Variants in PLSCR3 observed in about 807,000 individuals in gnomAD.
PLSCR3 encodes the protein phospholipid scramblase 3, also known as PL scramblase 3.
PLSCR3 carries 17 observed loss-of-function variants against 33.7 expected under a neutral mutation model. That is an observed-to-expected ratio of 0.50 (90% CI 0.35 to 0.76). The LOEUF (loss-of-function observed/expected upper bound fraction) is 0.76. Among genes scored for constraint, PLSCR3 ranks in the 30% least tolerant of loss-of-function variants. The pLI, the probability that PLSCR3 is intolerant of heterozygous loss-of-function variation, is 0.01. For missense variants in PLSCR3, 360 were observed against 394.1 expected, an observed-to-expected ratio of 0.91 and a Z score of 0.73; for synonymous variants, 166 against 166.0, an observed-to-expected ratio of 1.00 and a Z score of 0.00.
Position 7,390,345 on chromosome 17 carries a change from T to C in PLSCR3, c.*40A>G. On this transcript the variant is annotated 3_prime_UTR_variant, in exon 8 of 8. Coordinates refer to ENST00000619711, the MANE Select transcript of PLSCR3 (RefSeq NM_020360.4). ...GGCCAGGGCAGGTGACCATCTGGAG[T>C]TCTGGTCGAGGTGATGGTCTCCTCA... 6.9e-7 allele frequency: 1 copy of C among 1,450,078 alleles called. No individual in the cohort carries two copies. The highest frequency in any genetic ancestry group is 2.5e-5 in the East Asian group (1 of 40,456). 89.8% of individuals were successfully genotyped at this position (1,450,078 alleles called of 1,614,324 possible).
At chr17:7,392,436 T>A (rs951027196) in intron 6 of PLSCR3, among the ~76,000 whole-genome samples, 1 of 152,164 alleles carries the variant, frequency 6.6e-6, no homozygotes, top group Non-Finnish European at 1.5e-5. Context: ...AAATCGTGCT[T>A]GCTCCAGGGC....
chr17:7,390,593 A>AT, intron 7 of PLSCR3, 41 bp downstream of exon 7: 3 of 1,610,766 alleles, frequency 1.9e-6, no homozygotes, highest in Non-Finnish European at 2.5e-6. Flanking sequence ...AAATGACAGC[A>AT]AAGGACAGGC....
chr17:7,391,775 G>A lies in PLSCR3; in HGVS notation c.670-980C>T, dbSNP rs371322549. Among the ~76,000 whole-genome samples, 18 of 152,304 alleles carry A rather than the reference G, an allele frequency of 1.2e-4. No individual in the cohort carries two copies. The East Asian group carries it at 2.9e-3, about 24-fold the overall frequency. ...CATGGAATCTCCCTCTGGCTACCAA[G>A]GTGACTCATTTTTGCAAAGTAACCT... On this transcript the variant is annotated intron_variant, in intron 6 of 7. Transcript: ENST00000619711. The surrounding 1 kb of genome is among the most constrained non-coding windows in gnomAD (Gnocchi z 4.1).
Position 7,390,387 on chromosome 17 carries a change from A to G in PLSCR3, c.886T>C (p.Ter296GlnextTer144). 1 of 1,550,446 alleles carries G rather than the reference A, an allele frequency of 6.4e-7. No homozygotes were observed. Among genetic ancestry groups the G allele is most frequent in the Non-Finnish European group, 8.7e-7 (1 of 1,145,354 alleles). The change falls in exon 8 of 8, where the codon TAG becomes CAG. Residue 296 changes from the stop codon to glutamine, a stop_lost. Coordinates refer to ENST00000619711, the MANE Select transcript of PLSCR3 (RefSeq NM_020360.4). ...GGAGPSAVTS[*>Q] ...GTCTCCTCACACCATGGTGGCCTCT[A>G]ACTGGTGACGGCAGAGGGCCCAGCG...
Position 7,390,294 on chromosome 17 carries a change from G to T in PLSCR3, c.*91C>A. The T allele has an allele frequency of 9.8e-7, 1 of 1,023,204 alleles. No homozygotes were observed. Among genetic ancestry groups the T allele is most frequent in the Non-Finnish European group, 1.4e-6 (1 of 699,708 alleles). The allele number at this position is 1,023,204 out of a possible 1,614,324, so 63.4% of individuals were successfully genotyped here. On this transcript the variant is annotated 3_prime_UTR_variant, in exon 8 of 8. Coordinates refer to ENST00000619711, the MANE Select transcript of PLSCR3 (RefSeq NM_020360.4). The stretch of plus-strand genomic sequence containing the variant: ...CCCTTCTGTCCCCTGCAGTGTACAT[G>T]GAGGAAAGGGGCTGCCCAGAGGAGG...
Position 7,393,696 on chromosome 17 carries a change from C to A in PLSCR3, c.148G>T (p.Ala50Ser). ...AQVPAPAPGF[A>S]LFPSPGPVAL... is the part of the protein sequence containing the mutation. ...ACGGGGCCAGGCGAGGGGAAGAGGG[C>A]GAAGCCGGGAGCTGGGGCAGGTACC... is the stretch of plus-strand genomic sequence containing the variant. Residue 50 changes from alanine (A) to serine (S), a missense_variant, in exon 3 of 8, where the codon GCC becomes TCC. Ala to Ser is a moderately conservative substitution (Grantham distance 99). Transcript: ENST00000619711. 1 of 1,568,444 alleles carries A rather than the reference C, an allele frequency of 6.4e-7. No homozygotes were observed.
intron 2 of PLSCR3, 132 bp from the exon 3 acceptor site, chr17:7,393,968 C>G: frequency 5.1e-6 from 6 of 1,167,326 alleles, no homozygotes; most frequent in South Asian, 3.9e-5. Context: ...GGCAGGGGAG[C>G]AGGGTGGAGG....
At chr17:7,390,832 G>A in intron 6 of PLSCR3, 37 bp from the exon 7 acceptor site, 1 of 1,610,008 alleles carries the variant, frequency 6.2e-7, no homozygotes, top group Non-Finnish European at 8.5e-7. Context: ...CAGCTGAGGA[G>A]GAGGCAGCCA....
rs368639369 is a variant in PLSCR3, at chr17:7,394,163, G to A, written c.-53C>T. On this transcript the variant is annotated 5_prime_UTR_variant, in exon 2 of 8. Coordinates refer to ENST00000619711, the MANE Select transcript of PLSCR3 (RefSeq NM_020360.4). The surrounding 1 kb of genome is among the most constrained non-coding windows in gnomAD (Gnocchi z 5.3). ...ATGGTGTCTGGGTGGCTTAGTTCTG[G>A]AAGCGGAGGCAAACTCGGAGATAGC... is the stretch of plus-strand genomic sequence containing the variant. 4.0e-5 allele frequency: 63 copies of A among 1,576,412 alleles called. 1 individual carries two copies. The African/African-American group carries it at 4.6e-4, about 11-fold the overall frequency.
intron 6 of PLSCR3, 60 bp downstream of exon 6, chr17:7,392,731 C>T (rs758213914): frequency 6.7e-7 from 1 of 1,502,822 alleles, no homozygotes. Flanking sequence ...AACTATCCTG[C>T]CTCATGGAAG....
chr17:7,392,446 C>T (rs1905784816), intron 6 of PLSCR3, among the ~76,000 whole-genome samples: 1 of 152,170 alleles, frequency 6.6e-6, no homozygotes, highest in African/African-American at 2.4e-5. Flanking sequence ...TGCTCCAGGG[C>T]CTGGGCTCAC....
Position 7,392,919 on chromosome 17 carries a change from CA to C in PLSCR3, c.540del (p.Ile180MetfsTer45). 1 of 1,613,866 alleles carries C rather than the reference CA, an allele frequency of 6.2e-7. No homozygotes were observed. Among genetic ancestry groups the C allele is most frequent in the Non-Finnish European group, 8.5e-7 (1 of 1,179,880 alleles). On this transcript the variant is annotated frameshift_variant, in exon 6 of 8. Coordinates refer to ENST00000619711, the MANE Select transcript of PLSCR3 (RefSeq NM_020360.4). LOFTEE classifies it high-confidence loss of function. ...GGATGCCAGGTCTGTAGCACGTGGCCAATGGTGGTGCCTGGTGGAGCCTGTA... is the reference window on the plus strand; with the variant it reads ...GGATGCCAGGTCTGTAGCACGTGGCCATGGTGGTGCCTGGTGGAGCCTGTA... ...MEVQAPPGTT[I>X]GHVLQTWHPF...
rs1390842241 is a variant in PLSCR3 at position 7,392,927 on chromosome 17, G to A, written c.533C>T (p.Thr178Ile). Residue 178 changes from threonine to isoleucine, a missense_variant, in exon 6 of 8, where the codon ACC becomes ATC. Thr to Ile is a moderately conservative substitution (Grantham distance 89). Transcript: ENST00000619711. Reference protein sequence around the residue: ...QEMEVQAPPGTTIGHVLQTWH... With the variant: ...QEMEVQAPPGITIGHVLQTWH... The stretch of plus-strand genomic sequence containing the variant: ...GGTCTGTAGCACGTGGCCAATGGTG[G>A]TGCCTGGTGGAGCCTGTACTTCCAT... 6 of 1,613,736 alleles carry A rather than the reference G, an allele frequency of 3.7e-6. No individual in the cohort carries two copies. Among genetic ancestry groups the A allele is most frequent in the Admixed American group, 3.3e-5 (2 of 60,008 alleles).
chr17:7,392,982 C>T (rs746343304), intron 5 of PLSCR3, 30 bp from the exon 6 acceptor site: 8 of 1,591,336 alleles, frequency 5.0e-6, no homozygotes, highest in East Asian at 2.2e-5. Context: ...AGGGTCACTG[C>T]GGAGGCAGGG....
At chr17:7,392,376 G>A (rs1452418372) in intron 6 of PLSCR3, among the ~76,000 whole-genome samples, 2 of 152,286 alleles carry the variant, frequency 1.3e-5, no homozygotes, top group Non-Finnish European at 2.9e-5. Context: ...AATGGCAGGG[G>A]CATTTGGATT....
In PLSCR3 at chr17:7,390,405, G is replaced by A. The variant is rs866207735; in HGVS notation, c.868C>T (p.Pro290Ser). The A allele has an allele frequency of 1.3e-5, 21 of 1,556,618 alleles. No individual in the cohort carries two copies. In the African/African-American group the frequency reaches 2.6e-4, roughly 19 times the overall value. The part of the protein sequence containing the change: ...MFFEKRGGAG[P>S]SAVTS ...GGCCTCTAACTGGTGACGGCAGAGG[G>A]CCCAGCGCCTCCTCGCTTCTCAAAG... The change falls in exon 8 of 8, where the codon CCC becomes TCC. Residue 290 changes from proline (P) to serine (S), a missense_variant. Transcript: ENST00000619711.
rs199755572 is a variant in PLSCR3 at position 7,393,433 on chromosome 17, T to C, written c.286+34A>G. 7.4e-5 allele frequency: 119 copies of C among 1,613,756 alleles called. No individual in the cohort carries two copies. The East Asian group carries it at 2.5e-3, about 34-fold the overall frequency. ...CAGGAGCCCACCATCCGGGCCACCA[T>C]CATGAGGTCCAACCTCCCACTCCTT... On this transcript the variant is annotated intron_variant, in intron 4 of 7. Transcript: ENST00000619711.
rs1225625296 is a variant in PLSCR3 at position 7,390,399 on chromosome 17, C to T, written c.874G>A (p.Ala292Thr). 6.4e-7 allele frequency: 1 copy of T among 1,554,618 alleles called. No individual in the cohort carries two copies. Residue 292 changes from alanine to threonine, a missense_variant, in exon 8 of 8, where the codon GCC becomes ACC. Physicochemically the swap from Ala to Thr is moderately conservative, Grantham distance 58 (BLOSUM62 0). Coordinates refer to ENST00000619711, the MANE Select transcript of PLSCR3 (RefSeq NM_020360.4). ...FEKRGGAGPSAVTS is the reference protein window; with the variant it reads ...FEKRGGAGPSTVTS ...CATGGTGGCCTCTAACTGGTGACGG[C>T]AGAGGGCCCAGCGCCTCCTCGCTTC...
chr17:7,392,669 C>A, intron 6 of PLSCR3, 122 bp downstream of exon 6: 1 of 886,598 alleles, frequency 1.1e-6, no homozygotes, highest in Non-Finnish European at 1.9e-6. Context: ...CAAATGCGGT[C>A]GGAGTCACAG....
Sources: allele counts gnomAD v4.1 joint callset (sites outside exome capture counted in the v4.1 genomes callset), GRCh38; gene constraint gnomAD v4.1.1; non-coding constraint Gnocchi (gnomAD v3.1); transcripts MANE v1.5; gene names NCBI Gene and HGNC (gene_info 2026-07-23, HGNC 2026-07-21).